CXCL13: variants seen among roughly 807,000 people sequenced by gnomAD.
CXCL13 encodes C-X-C motif chemokine ligand 13.
CXCL13 carries 7 observed loss-of-function variants against 12.2 expected under a neutral mutation model. The observed-to-expected ratio is 0.57, with a 90% CI of 0.33 to 1.07. The LOEUF is 1.07. Among genes scored for constraint, CXCL13 ranks in the 50% least tolerant of loss-of-function variants. The pLI is 0.04. For synonymous variants in CXCL13, 47 were observed against 42.4 expected (o/e 1.11, Z -0.42); for missense variants, 113 against 127.4 (o/e 0.89, Z 0.55).
At chr4:77,528,241 G>A (rs1211325633) in intron 1 of CXCL13, among the ~76,000 whole-genome samples, 10 of 152,154 alleles carry the variant, frequency 6.6e-5, no homozygotes, top group Non-Finnish European at 7.3e-5. Flanking sequence ...ATAAACATAT[G>A]TGTGCATGTG....
At chr4:77,553,450 T>C (rs925122642) in intron 1 of CXCL13, among the ~76,000 whole-genome samples, 6 of 152,234 alleles carry the variant, frequency 3.9e-5, no homozygotes, top group African/African-American at 1.4e-4. Context: ...ACAGCTTTTC[T>C]CAGTGTCTTT....
At chr4:77,528,182 T>A (rs1396569912) in intron 1 of CXCL13, among the ~76,000 whole-genome samples, 2 of 152,232 alleles carry the variant, frequency 1.3e-5, no homozygotes, top group African/African-American at 2.4e-5. Flanking sequence ...TCTATCATTG[T>A]TGGACATTTG....
rs932220782 is a variant in CXCL13, at chr4:77,592,661, T to A, written c.-42-13163T>A. Among the ~76,000 whole-genome samples the A allele has an allele frequency of 4.6e-5, 7 of 152,168 alleles. No homozygotes were observed. In the East Asian group the frequency reaches 1.2e-3, roughly 25 times the overall value. On this transcript the variant is annotated intron_variant, in intron 1 of 4. Transcript: ENST00000286758. ...GACATTGGACAGCTCATGAAATCCC[T>A]GGCAAGGCTGAAGGACTGAGGAAAC...
intron 1 of CXCL13, among the ~76,000 whole-genome samples, chr4:77,534,878 G>C (rs1578041601): frequency 6.6e-6 from 1 of 152,204 alleles, no homozygotes; most frequent in East Asian, 1.9e-4. Context: ...CCTTTGTTTT[G>C]GCCTTATATT....
At chr4:77,571,744 C>G (rs1182402544) in intron 1 of CXCL13, among the ~76,000 whole-genome samples, 1 of 151,764 alleles carries the variant, frequency 6.6e-6, no homozygotes, top group African/African-American at 2.4e-5. Flanking sequence ...GCAACCCGCT[C>G]CAGTCCCCTT....
chr4:77,584,165 T>C (rs777550307), intron 1 of CXCL13, among the ~76,000 whole-genome samples: 7 of 152,164 alleles, frequency 4.6e-5, no homozygotes, highest in Non-Finnish European at 1.0e-4. Context: ...TTCCATGGCC[T>C]AGATAGTCTT....
At chr4:77,605,299 C>T (rs1378924355), upstream of CXCL13, among the ~76,000 whole-genome samples, 2 of 152,144 alleles carry the variant, frequency 1.3e-5, no homozygotes, top group Non-Finnish European at 2.9e-5. Flanking sequence ...ATGGAAAAGA[C>T]TGGTAGGAAA....
chr4:77,578,893 C>G (rs1726252446), intron 1 of CXCL13, among the ~76,000 whole-genome samples: 1 of 152,214 alleles, frequency 6.6e-6, no homozygotes, highest in African/African-American at 2.4e-5. Context: ...TCCAACCTCT[C>G]CTGCAACTGA....
chr4:77,524,743 C>T (rs1724718793), intron 1 of CXCL13, among the ~76,000 whole-genome samples: 1 of 152,136 alleles, frequency 6.6e-6, no homozygotes, highest in African/African-American at 2.4e-5. Flanking sequence ...TCCAACCAGT[C>T]CCAGTGAGAT....
At chr4:77,539,216 C>T (rs530668256) in intron 1 of CXCL13, among the ~76,000 whole-genome samples, 7 of 152,002 alleles carry the variant, frequency 4.6e-5, no homozygotes, top group Non-Finnish European at 1.0e-4. Flanking sequence ...GGCATGCACC[C>T]AGAGTTAGGG....
intron 1 of CXCL13, among the ~76,000 whole-genome samples, chr4:77,525,899 C>CT (rs1159072810): frequency 1.4e-5 from 2 of 143,350 alleles, no homozygotes; most frequent in African/African-American, 5.5e-5. Context: ...CAAAGGTAGG[C>CT]TTTTTTTAAA....
intron 1 of CXCL13, among the ~76,000 whole-genome samples, chr4:77,550,311 C>T (rs530572392): frequency 1.8e-4 from 27 of 152,278 alleles, no homozygotes; most frequent in Admixed American, 5.9e-4. Flanking sequence ...TGAGATGATG[C>T]CCCACCCTGC....
intron 1 of CXCL13, among the ~76,000 whole-genome samples, chr4:77,544,864 G>A (rs1413726127): frequency 1.3e-5 from 2 of 152,124 alleles, no homozygotes; most frequent in Non-Finnish European, 2.9e-5. Flanking sequence ...TTCTTCTAGG[G>A]TTTTTATGGT....
chr4:77,580,823 T>TCTCCTC (rs1487318728), intron 1 of CXCL13, among the ~76,000 whole-genome samples: 1 of 139,392 alleles, frequency 7.2e-6, no homozygotes, highest in Non-Finnish European at 1.6e-5. Flanking sequence ...CTCCCTCTCT[T>TCTCCTC]CTCCTCCCCT....
chr4:77,536,035 C>T (rs1268454561), intron 1 of CXCL13, among the ~76,000 whole-genome samples: 2 of 152,122 alleles, frequency 1.3e-5, no homozygotes, highest in African/African-American at 2.4e-5. Context: ...ACACCCTAAC[C>T]TCACTCCCCT....
intron 1 of CXCL13, among the ~76,000 whole-genome samples, chr4:77,581,737 C>A (rs1300335705): frequency 6.6e-6 from 1 of 152,146 alleles, no homozygotes; most frequent in Non-Finnish European, 1.5e-5. Flanking sequence ...ACTATCCTCT[C>A]CCCCATTAGC....
At position 77,611,592 on chromosome 4, in the gene CXCL13, C is replaced by G. The variant is rs1264678972; in HGVS notation, c.*553C>G. The stretch of plus-strand genomic sequence containing the variant: ...TTAAAGAATTTCTTTATAAAATTTA[C>G]TGTCTAAGATTAATAGCATTCGAAG... On this transcript the variant is annotated 3_prime_UTR_variant, in exon 4 of 4. Transcript: ENST00000682537. 2.5e-6 allele frequency: 1 copy of G among 397,186 alleles called. No homozygotes were observed. Among genetic ancestry groups the G allele is most frequent in the Non-Finnish European group, 4.4e-6 (1 of 225,688 alleles). The allele number at this position is 397,186 out of a possible 1,614,324, so 24.6% of individuals were successfully genotyped here.
chr4:77,602,488 G>A (rs944258826), upstream of CXCL13, among the ~76,000 whole-genome samples: 5 of 152,150 alleles, frequency 3.3e-5, no homozygotes, highest in African/African-American at 4.8e-5. Flanking sequence ...TGAGAATCTC[G>A]TTGAATGCAG....
At chr4:77,547,919 G>T (rs1725412896) in intron 1 of CXCL13, among the ~76,000 whole-genome samples, 1 of 152,082 alleles carries the variant, frequency 6.6e-6, no homozygotes, top group Non-Finnish European at 1.5e-5. Context: ...CTCTTGTAAG[G>T]CAGGCCTGGT....
Sources: gnomAD v4.1 joint callset for allele counts (sites outside exome capture counted in the v4.1 genomes callset) on GRCh38, gnomAD v4.1.1 for gene constraint, MANE v1.5 for transcripts, NCBI Gene and HGNC (gene_info 2026-07-23, HGNC 2026-07-21) for gene names.